NELL1: variants seen among roughly 807,000 people sequenced by gnomAD.
NELL1 encodes the protein neural EGFL like 1.
Under a neutral mutation model 107.4 loss-of-function variants are expected in NELL1, and 76 were observed. The ratio of observed to expected loss-of-function variants is 0.71; its 90% CI spans 0.59 to 0.86. The LOEUF (loss-of-function observed/expected upper bound fraction) is 0.86. Among genes scored for constraint, NELL1 ranks in the 40% least tolerant of loss-of-function variants. The pLI is 0.00. For synonymous variants in NELL1, 353 were observed against 341.2 expected, an observed-to-expected ratio of 1.03 and a Z score of -0.38; for missense variants, 1,024 against 1,005.5, an observed-to-expected ratio of 1.02 and a Z score of -0.25.
chr11:21,174,828 T>A (rs1443767380), intron 13 of NELL1, among the ~76,000 whole-genome samples: 1 of 151,738 alleles, frequency 6.6e-6, no homozygotes, highest in Non-Finnish European at 1.5e-5. Flanking sequence ...ATAATCTAAC[T>A]CCACTTCTGT....
intron 14 of NELL1, among the ~76,000 whole-genome samples, chr11:21,235,616 G>A (rs772123095): frequency 3.9e-5 from 6 of 152,034 alleles, no homozygotes; most frequent in African/African-American, 4.8e-5. Flanking sequence ...TTTGACTTTC[G>A]AATTTCTTTA....
intron 14 of NELL1, among the ~76,000 whole-genome samples, chr11:21,230,446 A>T (rs766493565): frequency 6.6e-6 from 1 of 152,230 alleles, no homozygotes; most frequent in Non-Finnish European, 1.5e-5. Context: ...CTTGTTCACT[A>T]TGTGTTAATT....
rs1256651247 is a variant in NELL1 at position 20,669,696 on chromosome 11, C to G, written c.-28C>G. The stretch of plus-strand genomic sequence containing the variant: ...TTTGCTTCCACCTAGCTTCGGTGCC[C>G]CCTGCTAGGCGGGGACCCTCGAGAG... On this transcript the variant is annotated 5_prime_UTR_variant, in exon 1 of 20. Transcript: ENST00000357134. The surrounding 1 kb of genome is among the most constrained non-coding windows in gnomAD (Gnocchi z 4.4). 6.2e-7 allele frequency: 1 copy of G among 1,607,820 alleles called. No homozygotes were observed. Among genetic ancestry groups the G allele is most frequent in the Admixed American group, 1.7e-5 (1 of 59,904 alleles).
chr11:21,239,489 G>C (rs1432220095), intron 14 of NELL1, among the ~76,000 whole-genome samples: 4 of 152,046 alleles, frequency 2.6e-5, no homozygotes, highest in Admixed American at 6.6e-5. Flanking sequence ...TGCTGGCCTA[G>C]TTGTGACCAG....
intron 13 of NELL1, among the ~76,000 whole-genome samples, chr11:21,162,507 A>G (rs1358621704): frequency 2.0e-5 from 3 of 152,200 alleles, no homozygotes; most frequent in African/African-American, 7.2e-5. Flanking sequence ...TTAGAGTGGT[A>G]TAGTGTATGT....
At chr11:21,523,201 T>G (rs1016221130) in intron 15 of NELL1, among the ~76,000 whole-genome samples, 10 of 152,148 alleles carry the variant, frequency 6.6e-5, no homozygotes, top group Non-Finnish European at 1.5e-4. Context: ...TTATCATTTA[T>G]GTCTACATGG....
intron 3 of NELL1, among the ~76,000 whole-genome samples, chr11:20,818,002 G>T (rs1344904730): frequency 6.6e-6 from 1 of 151,870 alleles, no homozygotes; most frequent in African/African-American, 2.4e-5. Flanking sequence ...TTGCTTTATG[G>T]AAAAGCATGT....
chr11:21,251,399 A>T (rs1185045168), intron 14 of NELL1, among the ~76,000 whole-genome samples: 1 of 152,158 alleles, frequency 6.6e-6, no homozygotes. Flanking sequence ...ACATCATGCA[A>T]ATATGCAATT....
At chr11:20,896,056 G>A (rs1438255289) in intron 5 of NELL1, among the ~76,000 whole-genome samples, 1 of 152,040 alleles carries the variant, frequency 6.6e-6, no homozygotes, top group African/African-American at 2.4e-5. Context: ...CTTTAGTGGT[G>A]ATTTGTGAGA....
At chr11:21,494,403 A>G (rs1854919940) in intron 15 of NELL1, among the ~76,000 whole-genome samples, 1 of 151,942 alleles carries the variant, frequency 6.6e-6, no homozygotes, top group African/African-American at 2.4e-5. Context: ...CCCTTATTTC[A>G]TCCCCTTTTG....
chr11:20,987,937 G>A (rs966324157), intron 12 of NELL1, among the ~76,000 whole-genome samples: 5 of 152,064 alleles, frequency 3.3e-5, no homozygotes, highest in Non-Finnish European at 5.9e-5. Flanking sequence ...TCTTAAAACC[G>A]TGATATATTG....
intron 15 of NELL1, among the ~76,000 whole-genome samples, chr11:21,383,014 C>A (rs975195509): frequency 2.6e-5 from 4 of 151,896 alleles, no homozygotes; most frequent in Non-Finnish European, 5.9e-5. Flanking sequence ...AGTAACTAGC[C>A]ATAAGTCTTT....
At chr11:21,523,841 T>C (rs962749913) in intron 15 of NELL1, among the ~76,000 whole-genome samples, 1 of 152,154 alleles carries the variant, frequency 6.6e-6, no homozygotes, top group African/African-American at 2.4e-5. Context: ...GGGATCACTT[T>C]CTTAGTTATC....
At chr11:20,686,703 C>A (rs557387651) in intron 2 of NELL1, among the ~76,000 whole-genome samples, 14 of 152,248 alleles carry the variant, frequency 9.2e-5, no homozygotes, top group Non-Finnish European at 1.3e-4. Flanking sequence ...TTACACCACC[C>A]AGTTAGGTTA....
At chr11:20,923,714 A>C (rs1179104045) in intron 7 of NELL1, among the ~76,000 whole-genome samples, 1 of 152,212 alleles carries the variant, frequency 6.6e-6, no homozygotes, top group East Asian at 1.9e-4. Flanking sequence ...TAAATATTTG[A>C]CAAATCTATG....
At position 21,575,582 on chromosome 11, in the gene NELL1, T is replaced by A; in HGVS notation, c.*560T>A. 1 of 151,818 alleles carries A rather than the reference T, an allele frequency of 6.6e-6. No individual in the cohort carries two copies. The highest frequency in any genetic ancestry group is 1.5e-5 in the Non-Finnish European group (1 of 67,878). 9.4% of individuals were successfully genotyped at this position (151,818 alleles called of 1,614,324 possible). A position where few individuals can be genotyped will look rare whatever the true frequency, so the allele number is the denominator to read the frequency against. On this transcript the variant is annotated 3_prime_UTR_variant, in exon 20 of 20. Transcript: ENST00000357134. Reference sequence around the variant, plus strand: ...GTGCTGAACCTTCTTAAATGCCTACTCATTCAGCTTAAACAGGCTGAAGCC... The same window carrying A: ...GTGCTGAACCTTCTTAAATGCCTACACATTCAGCTTAAACAGGCTGAAGCC...
intron 13 of NELL1, among the ~76,000 whole-genome samples, chr11:21,124,633 C>G (rs1855448793): frequency 6.7e-6 from 1 of 149,834 alleles, no homozygotes; most frequent in Non-Finnish European, 1.5e-5. Context: ...ACAGATTTCG[C>G]TCTTGATGCC....
At chr11:21,266,045 C>T (rs1454939177) in intron 14 of NELL1, among the ~76,000 whole-genome samples, 1 of 151,952 alleles carries the variant, frequency 6.6e-6, no homozygotes, top group Non-Finnish European at 1.5e-5. Flanking sequence ...CTGCACTTAC[C>T]TGCTACTAGC....
At chr11:21,327,801 G>C (rs556410861) in intron 14 of NELL1, among the ~76,000 whole-genome samples, 1 of 152,284 alleles carries the variant, frequency 6.6e-6, no homozygotes, top group African/African-American at 2.4e-5. Context: ...CTCGGATGGA[G>C]ATGAGGAACT....
Sources: gnomAD v4.1 joint callset for allele counts (sites outside exome capture counted in the v4.1 genomes callset) on GRCh38, gnomAD v4.1.1 for gene constraint, Gnocchi (gnomAD v3.1) non-coding constraint, MANE v1.5 for transcripts, NCBI Gene and HGNC (gene_info 2026-07-23, HGNC 2026-07-21) for gene names.